Variants in ATP10B observed in about 807,000 individuals in gnomAD.
ATP10B encodes the protein phospholipid-transporting ATPase VB.
Under a neutral mutation model 141.2 loss-of-function variants are expected in ATP10B, and 122 were observed. The observed-to-expected ratio is 0.86, with a 90% confidence interval of 0.75 to 1.00. ATP10B has a LOEUF of 1.00. ATP10B is among the 50% of genes least tolerant of loss of function. The probability of loss-of-function intolerance (pLI) is 0.00; values close to 1 mark genes in which losing one functional copy is unlikely to be tolerated. For missense variants in ATP10B, 1,876 were observed against 1,825.3 expected (o/e 1.03, Z -0.51); for synonymous variants, 685 against 692.0 (o/e 0.99, Z 0.16).
chr5:160,629,099 G>A (rs1169745244), intron 13 of ATP10B, among the ~76,000 whole-genome samples: 1 of 152,138 alleles, frequency 6.6e-6, no homozygotes, highest in Non-Finnish European at 1.5e-5. Context: ...TTCACTAAGG[G>A]AAGGTAAAGA....
At chr5:160,888,529 C>G in the ATP10B span, among the ~76,000 whole-genome samples, 2 of 152,164 alleles carry the variant, frequency 1.3e-5, no homozygotes, top group African/African-American at 4.8e-5. Flanking sequence ...AGTAATTCAT[C>G]TGGGCAGGAA....
In ATP10B at chr5:160,831,230, C is replaced by T. The variant is rs1052804367; in HGVS notation, c.-576+20711G>A. Among the ~76,000 whole-genome samples the T allele has an allele frequency of 2.0e-5, 3 of 152,016 alleles. No homozygotes were observed. The East Asian group carries it at 5.8e-4, about 29-fold the overall frequency. On this transcript the variant is annotated intron_variant, in intron 1 of 25. Coordinates refer to ENST00000327245, the MANE Select transcript of ATP10B (RefSeq NM_025153.3). ...TAAATGTGGTGACTCAGGTAAACTT[C>T]TTAGCACAGTGGCTGGCATATAGTA...
chr5:160,693,505 G>T (rs1460564652), intron 3 of ATP10B, among the ~76,000 whole-genome samples: 1 of 150,036 alleles, frequency 6.7e-6, no homozygotes, highest in Non-Finnish European at 1.5e-5. Flanking sequence ...TTTATTTAAA[G>T]TTACCTGAAG....
intron 1 of ATP10B, among the ~76,000 whole-genome samples, chr5:160,829,875 G>C (rs532206256): frequency 4.5e-4 from 69 of 152,228 alleles, no homozygotes; most frequent in Admixed American, 1.0e-3. Flanking sequence ...GGTTTTCTAA[G>C]TATAGAATGA....
At chr5:160,809,962 A>G (rs888222153) in intron 1 of ATP10B, among the ~76,000 whole-genome samples, 20 of 152,156 alleles carry the variant, frequency 1.3e-4, no homozygotes, top group African/African-American at 4.8e-4. Context: ...GATAAATTGT[A>G]TGTCTTTAAG....
At chr5:160,873,889 C>G in the ATP10B span, among the ~76,000 whole-genome samples, 1 of 152,346 alleles carries the variant, frequency 6.6e-6, no homozygotes, top group East Asian at 1.9e-4. Context: ...GTCCTACACC[C>G]ACGGAGTCTC....
intron 2 of ATP10B, among the ~76,000 whole-genome samples, chr5:160,748,356 T>C (rs1767945753): frequency 6.6e-6 from 1 of 152,194 alleles, no homozygotes; most frequent in Non-Finnish European, 1.5e-5. Flanking sequence ...TTCTTTTCCC[T>C]TCCTCATTGC....
chr5:160,855,644 C>A (rs531422348), upstream of ATP10B, among the ~76,000 whole-genome samples: 1 of 151,856 alleles, frequency 6.6e-6, no homozygotes, highest in Non-Finnish European at 1.5e-5. Context: ...AATATTGAAT[C>A]AATTTTCCTT....
the ATP10B span, among the ~76,000 whole-genome samples, chr5:160,872,140 T>C: frequency 6.6e-6 from 1 of 152,178 alleles, no homozygotes; most frequent in Non-Finnish European, 1.5e-5. Flanking sequence ...TCTCTGGTTA[T>C]TAATGTTGAG....
intron 1 of ATP10B, among the ~76,000 whole-genome samples, chr5:160,831,251 T>C (rs1486805939): frequency 6.6e-6 from 1 of 152,014 alleles, no homozygotes; most frequent in Non-Finnish European, 1.5e-5. Context: ...GGCTGGCATA[T>C]AGTAAGTTCT....
rs1418325972 is a variant in ATP10B, at chr5:160,615,904, G to A, written c.2587C>T (p.Leu863Phe). 2.5e-6 allele frequency: 4 copies of A among 1,613,792 alleles called. No homozygotes were observed. Among genetic ancestry groups the A allele is most frequent in the Non-Finnish European group, 3.4e-6 (4 of 1,179,804 alleles). Residue 863 changes from leucine to phenylalanine, a missense_variant, in exon 17 of 26, where the codon CTC becomes TTC. Coordinates refer to ENST00000327245, the MANE Select transcript of ATP10B (RefSeq NM_025153.3). ...ATGAGAAGCTCATCTCGGTTGTCGA[G>A]GGATGCCTCAGCCTCACGCCGGAAA... The part of the protein sequence containing the change: ...ASFRREAEAS[L>F]DNRDELLMET...
At chr5:160,641,139 G>C (rs148475923) in intron 9 of ATP10B, among the ~76,000 whole-genome samples, 2 of 152,158 alleles carry the variant, frequency 1.3e-5, no homozygotes, top group Non-Finnish European at 2.9e-5. Flanking sequence ...GGCCAAGGTG[G>C]AAAAGAGGTG....
At chr5:160,716,412 G>T (rs1765664835) in intron 3 of ATP10B, among the ~76,000 whole-genome samples, 1 of 152,152 alleles carries the variant, frequency 6.6e-6, no homozygotes, top group African/African-American at 2.4e-5. Context: ...TACAGATGAA[G>T]AAAGTAAGAA....
At chr5:160,863,948 T>C in the ATP10B span, among the ~76,000 whole-genome samples, 1 of 151,880 alleles carries the variant, frequency 6.6e-6, no homozygotes, top group Non-Finnish European at 1.5e-5. Flanking sequence ...ATTAAATCAA[T>C]AATAAAACGT....
At chr5:160,604,224 T>C (rs147368267) in intron 19 of ATP10B, among the ~76,000 whole-genome samples, 183 bp from the exon 20 acceptor site, 2,376 of 152,330 alleles carry the variant, frequency 0.016, 28 homozygotes, top group Middle Eastern at 0.075. Context: ...AAATAAGTCC[T>C]ACCATTTTCT....
At chr5:160,722,573 A>AT (rs1376312976) in intron 2 of ATP10B, among the ~76,000 whole-genome samples, 2 of 152,160 alleles carry the variant, frequency 1.3e-5, no homozygotes, top group African/African-American at 4.8e-5. Flanking sequence ...AGATTCAGGG[A>AT]TTAAAAAAAA....
intron 2 of ATP10B, among the ~76,000 whole-genome samples, chr5:160,719,207 T>C (rs1765842498): frequency 6.6e-6 from 1 of 152,148 alleles, no homozygotes; most frequent in Non-Finnish European, 1.5e-5. Context: ...GAGACCATCC[T>C]GGCTAACATG....
chr5:160,640,626 T>C (rs994804057), intron 9 of ATP10B, 34 bp from the exon 10 acceptor site: 14 of 1,612,094 alleles, frequency 8.7e-6, no homozygotes, highest in African/African-American at 2.7e-5. Flanking sequence ...AGTCCCTTAG[T>C]TCCTGTTTGC....
chr5:160,755,368 A>G (rs142084577), intron 2 of ATP10B, among the ~76,000 whole-genome samples: 1,527 of 152,250 alleles, frequency 0.01, 12 homozygotes, highest in Non-Finnish European at 0.016. Flanking sequence ...AATCCAAACA[A>G]TATCAGTGTC....
Sources: allele counts gnomAD v4.1 joint callset (sites outside exome capture counted in the v4.1 genomes callset), GRCh38; gene constraint gnomAD v4.1.1; transcripts MANE v1.5; gene names NCBI Gene and HGNC (gene_info 2026-07-23, HGNC 2026-07-21).